Variants in MAPK10 observed in about 807,000 individuals in gnomAD.
MAPK10 encodes mitogen-activated protein kinase 10.
MAPK10 carries 25 observed loss-of-function variants against 59.3 expected under a neutral mutation model. That is an observed-to-expected ratio of 0.42 (90% confidence interval 0.31 to 0.59). The LOEUF (loss-of-function observed/expected upper bound fraction) is 0.59. Ranked by LOEUF, MAPK10 falls within the 20% of genes least tolerant of loss-of-function variation. MAPK10 has a pLI of 0.15. For missense variants in MAPK10, 351 were observed against 568.9 expected (o/e 0.62, Z 3.90); for synonymous variants, 190 against 200.5 (o/e 0.95, Z 0.44).
intron 4 of MAPK10, among the ~76,000 whole-genome samples, chr4:86,118,575 CACAT>C (rs1229398962): frequency 7.8e-5 from 5 of 63,954 alleles, no homozygotes; most frequent in South Asian, 1.1e-3. Flanking sequence ...TATATAAATA[CACAT>C]ACACACACAC....
intron 3 of MAPK10, among the ~76,000 whole-genome samples, chr4:86,163,942 T>C (rs1391643063): frequency 6.6e-6 from 1 of 152,180 alleles, no homozygotes; most frequent in Non-Finnish European, 1.5e-5. Context: ...TCCCACATTA[T>C]TGATCTTCTC....
At chr4:86,501,122 A>C (rs1755285232) in intron 1 of MAPK10, among the ~76,000 whole-genome samples, 1 of 147,896 alleles carries the variant, frequency 6.8e-6, no homozygotes, top group African/African-American at 2.6e-5. Flanking sequence ...CTGAAAAAAA[A>C]AAAAAAAAAA....
intron 2 of MAPK10, among the ~76,000 whole-genome samples, chr4:86,214,148 A>G (rs532582796): frequency 1.3e-5 from 2 of 152,130 alleles, no homozygotes; most frequent in Non-Finnish European, 1.5e-5. Context: ...ATTTCAATTG[A>G]TACAGAAAAA....
At chr4:86,240,873 C>T (rs543509300) in intron 2 of MAPK10, among the ~76,000 whole-genome samples, 1 of 152,258 alleles carries the variant, frequency 6.6e-6, no homozygotes, top group South Asian at 2.1e-4. Flanking sequence ...GAATTTGATA[C>T]TATCGTTATG....
chr4:86,468,965 G>A (rs1752437439), intron 1 of MAPK10, among the ~76,000 whole-genome samples: 1 of 152,000 alleles, frequency 6.6e-6, no homozygotes, highest in South Asian at 2.1e-4. Flanking sequence ...CTGGTCAGGG[G>A]ATTCATAAGA....
At chr4:86,033,446 C>T (rs1051546762) in intron 11 of MAPK10, among the ~76,000 whole-genome samples, 1 of 152,244 alleles carries the variant, frequency 6.6e-6, no homozygotes, top group Non-Finnish European at 1.5e-5. Context: ...CTTCTCCATG[C>T]AGTGGATTTT....
At chr4:86,305,107 C>T (rs1468084028) in intron 2 of MAPK10, among the ~76,000 whole-genome samples, 1 of 152,116 alleles carries the variant, frequency 6.6e-6, no homozygotes, top group Non-Finnish European at 1.5e-5. Flanking sequence ...TAGTATTATG[C>T]ACCTATATTA....
At chr4:86,208,818 G>A (rs561488800) in intron 2 of MAPK10, among the ~76,000 whole-genome samples, 113 of 152,116 alleles carry the variant, frequency 7.4e-4, no homozygotes, top group Non-Finnish European at 1.3e-3. Context: ...TTGCAGGATT[G>A]TTTAGATAGA....
intron 2 of MAPK10, among the ~76,000 whole-genome samples, chr4:86,223,740 GA>G (rs1228831056): frequency 1.3e-5 from 2 of 152,198 alleles, no homozygotes; most frequent in Middle Eastern, 3.4e-3. Context: ...GTGGCAACAG[GA>G]AGTTCAAATC....
intron 13 of MAPK10, chr4:86,027,348 G>A (rs1750861903): frequency 6.6e-6 from 1 of 152,150 alleles, no homozygotes; most frequent in African/African-American, 2.4e-5. Context: ...TAGAGCCTAA[G>A]TTGCATATTT....
At chr4:86,532,077 T>C (rs2149091774) in intron 1 of MAPK10, among the ~76,000 whole-genome samples, 1 of 147,476 alleles carries the variant, frequency 6.8e-6, no homozygotes, top group South Asian at 2.1e-4. Flanking sequence ...TATTTTTATA[T>C]ATATACATAT....
Position 86,151,599 on chromosome 4 carries a change from G to A in MAPK10, c.236+7699C>T, listed in dbSNP as rs955026677. On this transcript the variant is annotated intron_variant, in intron 4 of 13. Transcript: ENST00000641462. ...GAGAAAATAAAGAGCATCTGAGAGTGTCTGAAATCACTCTTCATGGTTCCT... is the reference window on the plus strand; with the variant it reads ...GAGAAAATAAAGAGCATCTGAGAGTATCTGAAATCACTCTTCATGGTTCCT... Among the ~76,000 whole-genome samples, 3 of 152,154 alleles carry A rather than the reference G, an allele frequency of 2.0e-5. No homozygotes were observed. In the East Asian group the frequency reaches 5.8e-4, roughly 29 times the overall value.
chr4:86,399,130 A>G (rs1256756157), intron 1 of MAPK10, among the ~76,000 whole-genome samples: 1 of 152,130 alleles, frequency 6.6e-6, no homozygotes, highest in Non-Finnish European at 1.5e-5. Flanking sequence ...CAGTAATGGG[A>G]TTGCTGGGTT....
At chr4:86,018,242 T>C (rs1298490840) in intron 13 of MAPK10, among the ~76,000 whole-genome samples, 1 of 151,712 alleles carries the variant, frequency 6.6e-6, no homozygotes, top group Non-Finnish European at 1.5e-5. Flanking sequence ...GGGGACCACA[T>C]CTCTAGAGAA....
rs538885195 is a variant in MAPK10, at chr4:86,193,273, G to A, written c.66+1063C>T. Reference sequence around the variant, plus strand: ...GATAGTCTGTCCCTTAGCAGAGCTTGATTGCTGTGCTGGGAGATCTGCTGC... The same window carrying A: ...GATAGTCTGTCCCTTAGCAGAGCTTAATTGCTGTGCTGGGAGATCTGCTGC... On this transcript the variant is annotated intron_variant, in intron 3 of 13. Transcript: ENST00000641462. 75 of 152,528 alleles carry A rather than the reference G, an allele frequency of 4.9e-4. 1 individual carries two copies. Among genetic ancestry groups the A allele is most frequent in the African/African-American group, 1.8e-3 (73 of 41,596 alleles). 9.4% of individuals were successfully genotyped at this position (152,528 alleles called of 1,614,324 possible). A position where few individuals can be genotyped will look rare whatever the true frequency, so the allele number is the denominator to read the frequency against.
At chr4:86,085,794 C>A (rs542309667) in intron 9 of MAPK10, among the ~76,000 whole-genome samples, 1 of 152,138 alleles carries the variant, frequency 6.6e-6, no homozygotes, top group Non-Finnish European at 1.5e-5. Flanking sequence ...TCTGCACTGC[C>A]GTGTTTGTTG....
At chr4:86,276,285 A>G (rs576189883) in intron 2 of MAPK10, among the ~76,000 whole-genome samples, 2 of 152,154 alleles carry the variant, frequency 1.3e-5, no homozygotes, top group African/African-American at 4.8e-5. Context: ...GCCCCTGACC[A>G]CTAGCTGTTT....
At chr4:86,097,719 A>C (rs1311090768) in intron 9 of MAPK10, among the ~76,000 whole-genome samples, 1 of 152,080 alleles carries the variant, frequency 6.6e-6, no homozygotes, top group Non-Finnish European at 1.5e-5. Flanking sequence ...TTACAAACAC[A>C]AATCTGTACC....
At chr4:86,074,132 C>A (rs1313292369) in intron 9 of MAPK10, among the ~76,000 whole-genome samples, 12 of 113,130 alleles carry the variant, frequency 1.1e-4, no homozygotes, top group Admixed American at 5.6e-4. Context: ...TGAATTGATC[C>A]CTTTACCATT....
Sources: allele counts gnomAD v4.1 joint callset (sites outside exome capture counted in the v4.1 genomes callset), GRCh38; gene constraint gnomAD v4.1.1; transcripts MANE v1.5; gene names NCBI Gene and HGNC (gene_info 2026-07-23, HGNC 2026-07-21).